CHIC1: variants seen among roughly 807,000 people sequenced by gnomAD.
CHIC1 encodes cysteine-rich hydrophobic domain-containing protein 1.
CHIC1 carries 7 observed loss-of-function variants against 18.5 expected under a neutral mutation model. That is an observed-to-expected ratio of 0.38 (90% confidence interval 0.22 to 0.71). The LOEUF (loss-of-function observed/expected upper bound fraction) is 0.71, where lower values mean the gene tolerates loss of function less well. Ranked by LOEUF, CHIC1 falls within the 30% of genes least tolerant of loss-of-function variation. The pLI, the probability that CHIC1 is intolerant of heterozygous loss-of-function variation, is 0.49. For missense variants in CHIC1, 159 were observed against 176.9 expected (o/e 0.90, Z 0.57); for synonymous variants, 77 against 73.5 (o/e 1.05, Z -0.25).
chrX:73,589,678 A>C (rs1291237973), intron 3 of CHIC1, among the ~76,000 whole-genome samples: 1 of 111,323 alleles, frequency 9.0e-6, no homozygotes, highest in African/African-American at 3.2e-5. Flanking sequence ...ATATTTGTGC[A>C]GTTACCTTTA....
intron 4 of CHIC1, 109 bp from the exon 5 acceptor site, chrX:73,679,545 T>C (rs2058087281): frequency 1.7e-6 from 1 of 584,399 alleles, no homozygotes; most frequent in Admixed American, 4.3e-5. Flanking sequence ...AGTGCTCTGT[T>C]TTGTATCCTG....
intron 3 of CHIC1, among the ~76,000 whole-genome samples, chrX:73,675,965 G>C (rs1419909504): frequency 9.0e-6 from 1 of 110,790 alleles, no homozygotes; most frequent in Non-Finnish European, 1.9e-5. Flanking sequence ...TGTCTGTAAA[G>C]GATTTTATTT....
At chrX:73,605,410 G>C (rs2057676284) in intron 3 of CHIC1, among the ~76,000 whole-genome samples, 1 of 107,698 alleles carries the variant, frequency 9.3e-6, no homozygotes, top group Non-Finnish European at 1.9e-5. Context: ...TGGGTCTTCT[G>C]AATACAGCAC....
At chrX:73,615,738 G>A (rs1156944998) in intron 3 of CHIC1, among the ~76,000 whole-genome samples, 1 of 111,347 alleles carries the variant, frequency 9.0e-6, no homozygotes, top group Non-Finnish European at 1.9e-5. Context: ...TGCTTGGTTT[G>A]GTACACAGCG....
At chrX:73,613,422 G>A (rs1252538318) in intron 3 of CHIC1, among the ~76,000 whole-genome samples, 1 of 110,205 alleles carries the variant, frequency 9.1e-6, no homozygotes, top group Admixed American at 9.7e-5. Context: ...AAAGATCCTG[G>A]TACCTCCCTT....
intron 3 of CHIC1, 76 bp from the exon 4 acceptor site, chrX:73,679,250 C>T: frequency 1.6e-6 from 1 of 623,861 alleles, no homozygotes; most frequent in East Asian, 3.4e-5. Flanking sequence ...TACAAGTAGG[C>T]AGAAAAATAT....
In CHIC1 at chrX:73,664,941, C is replaced by T. The variant is rs775094103; in HGVS notation, c.508-14385C>T. ...CATGGGGTCATACAGAAGTTGTCTG[C>T]CATGGCTTCAATTATTCCTTTCGTA... On this transcript the variant is annotated intron_variant, in intron 3 of 5. Transcript: ENST00000373502. Among the ~76,000 whole-genome samples, 15 of 112,146 alleles carry T rather than the reference C, an allele frequency of 1.3e-4. No individual in the cohort carries two copies. The East Asian group carries it at 4.0e-3, about 30-fold the overall frequency.
chrX:73,601,960 C>T (rs1396319977), intron 3 of CHIC1, among the ~76,000 whole-genome samples: 8 of 104,116 alleles, frequency 7.7e-5, no homozygotes, highest in Non-Finnish European at 7.7e-5. Context: ...TAGAAAATCT[C>T]GAAGAAATGG....
intron 3 of CHIC1, among the ~76,000 whole-genome samples, chrX:73,661,419 G>A (rs995364475): frequency 2.7e-5 from 3 of 112,041 alleles, no homozygotes; most frequent in Non-Finnish European, 5.6e-5. Flanking sequence ...GGGCATTGCA[G>A]GATAATTTAT....
chrX:73,588,884 A>G (rs775664555), intron 3 of CHIC1, among the ~76,000 whole-genome samples: 1 of 110,279 alleles, frequency 9.1e-6, no homozygotes, highest in South Asian at 3.8e-4. Flanking sequence ...TTACTGTAAG[A>G]GTGATATGTA....
intron 3 of CHIC1, among the ~76,000 whole-genome samples, chrX:73,672,966 T>A (rs1169338258): frequency 8.9e-6 from 1 of 111,946 alleles, no homozygotes; most frequent in African/African-American, 3.3e-5. Flanking sequence ...AGGCATCCAG[T>A]TTCAGCTTTC....
rs1225105433 is a variant in CHIC1 at position 73,685,544 on chromosome X, A to C, written c.*4539A>C. The stretch of plus-strand genomic sequence containing the variant: ...TGGAAAGGAAAGTGGTATGGGACTC[A>C]AATACAAGTCACTTCTGGTTTAATT... On this transcript the variant is annotated 3_prime_UTR_variant, in exon 6 of 6. Transcript: ENST00000373502. The C allele has an allele frequency of 2.7e-5, 3 of 111,633 alleles. No individual in the cohort carries two copies. The highest frequency in any genetic ancestry group is 5.7e-5 in the Non-Finnish European group (3 of 53,002). The allele number at this position is 111,633 out of a possible 1,213,427, so 9.2% of individuals were successfully genotyped here.
chrX:73,564,796 T>TG (rs1322958623), intron 1 of CHIC1, among the ~76,000 whole-genome samples: 2 of 88,941 alleles, frequency 2.2e-5, no homozygotes, highest in Admixed American at 1.2e-4. Flanking sequence ...GTTGAGTTTT[T>TG]TTTTTTTTTT....
chrX:73,653,644 G>A (rs1264182460), intron 3 of CHIC1, among the ~76,000 whole-genome samples: 4 of 111,939 alleles, frequency 3.6e-5, no homozygotes, highest in Admixed American at 1.9e-4. Flanking sequence ...ATATTGCTTC[G>A]GGTAGTGTGG....
intron 3 of CHIC1, among the ~76,000 whole-genome samples, chrX:73,591,722 G>A (rs954708937): frequency 9.0e-6 from 1 of 111,481 alleles, no homozygotes; most frequent in African/African-American, 3.3e-5. Context: ...AAGGTGTAAG[G>A]TATGTGAATA....
At chrX:73,667,939 A>C (rs770335728) in intron 3 of CHIC1, among the ~76,000 whole-genome samples, 2 of 111,607 alleles carry the variant, frequency 1.8e-5, no homozygotes, top group South Asian at 3.8e-4. Flanking sequence ...CTCTTGGATG[A>C]TATCCTCAAG....
At chrX:73,603,566 C>G (rs1171363925) in intron 3 of CHIC1, among the ~76,000 whole-genome samples, 9 of 108,465 alleles carry the variant, frequency 8.3e-5, no homozygotes, top group Non-Finnish European at 1.7e-4. Context: ...AGAGGGCATC[C>G]TTGTCTTGTG....
At chrX:73,619,927 A>G (rs1484464686) in intron 3 of CHIC1, among the ~76,000 whole-genome samples, 1 of 110,380 alleles carries the variant, frequency 9.1e-6, no homozygotes, top group African/African-American at 3.3e-5. Flanking sequence ...CTCATTGTTC[A>G]GGTCCCACTA....
At chrX:73,650,452 AAG>A (rs1046313482) in intron 3 of CHIC1, among the ~76,000 whole-genome samples, 2 of 110,803 alleles carry the variant, frequency 1.8e-5, no homozygotes, top group African/African-American at 3.3e-5. Flanking sequence ...TAAGGAAGAA[AAG>A]AGAGAAGAAT....
Sources: allele counts gnomAD v4.1 joint callset (sites outside exome capture counted in the v4.1 genomes callset), GRCh38; gene constraint gnomAD v4.1.1; transcripts MANE v1.5; gene names NCBI Gene and HGNC (gene_info 2026-07-23, HGNC 2026-07-21).